The following DRG2 variants were observed in gnomAD, a reference collection of about 807,000 sequenced individuals.
The protein encoded by DRG2 is developmentally regulated GTP binding protein 2, also known as developmentally-regulated GTP-binding protein 2.
A neutral mutation model predicts 53.4 loss-of-function variants in DRG2; 36 were observed. The observed-to-expected ratio is 0.67, with a 90% confidence interval of 0.52 to 0.89. The LOEUF (loss-of-function observed/expected upper bound fraction) is 0.89, where lower values mean the gene tolerates loss of function less well. Ranked by LOEUF, DRG2 falls within the 40% of genes least tolerant of loss-of-function variation. The pLI is 0.00. For missense variants in DRG2, 342 were observed against 481.2 expected (o/e 0.71, Z 2.71); for synonymous variants, 167 against 192.1 (o/e 0.87, Z 1.08).
chr17:18,100,698 C>T lies in DRG2; in HGVS notation c.631+39C>T, dbSNP rs1287436283. On this transcript the variant is annotated intron_variant, in intron 7 of 12. Coordinates refer to ENST00000225729, the MANE Select transcript of DRG2 (RefSeq NM_001388.5). The surrounding 1 kb of genome is among the most constrained non-coding windows in gnomAD (Gnocchi z 4.1). Reference sequence around the variant, plus strand: ...AAAGACACGTGAAGGAGGGCAGCCACCACCGTCAGCGCAGCGGGGGGACTG... The same window carrying T: ...AAAGACACGTGAAGGAGGGCAGCCATCACCGTCAGCGCAGCGGGGGGACTG... The T allele has an allele frequency of 1.3e-6, 2 of 1,578,432 alleles. No homozygotes were observed. The highest frequency in any genetic ancestry group is 4.6e-5 in the East Asian group (2 of 43,070).
In DRG2 at chr17:18,101,430, C is replaced by A. The variant is rs970801823; in HGVS notation, c.632-63C>A. On this transcript the variant is annotated intron_variant, in intron 7 of 12. Transcript: ENST00000225729. ...ATATTTCCTGCTTGGCTTTTTGGGG[C>A]CCTCCGCTGATGGGGGACAGGGGCA... 8 of 1,518,086 alleles carry A rather than the reference C, an allele frequency of 5.3e-6. No individual in the cohort carries two copies. In the African/African-American group the frequency reaches 8.2e-5, roughly 16 times the overall value. 94.0% of individuals were successfully genotyped at this position (1,518,086 alleles called of 1,614,324 possible). A position where few individuals can be genotyped will look rare whatever the true frequency, so the allele number is the denominator to read the frequency against.
At position 18,103,863 on chromosome 17, in the gene DRG2, C is replaced by G; in HGVS notation, c.869C>G (p.Thr290Ser). The change falls in exon 10 of 13, where the codon ACC (threonine) becomes AGC (serine). Residue 290 changes from threonine (T) to serine (S), a missense_variant. Coordinates refer to ENST00000225729, the MANE Select transcript of DRG2 (RefSeq NM_001388.5). The surrounding 1 kb of genome is among the most constrained non-coding windows in gnomAD (Gnocchi z 4.4). ...ATGCTTTGGGAGTACTTGGCCCTGA[C>G]CTGCATCTACACCAAGAAGAGAGGA... ...LEMLWEYLAL[T>S]CIYTKKRGQR... 2 of 1,614,138 alleles carry G rather than the reference C, an allele frequency of 1.2e-6. No homozygotes were observed. Among genetic ancestry groups the G allele is most frequent in the Non-Finnish European group, 1.7e-6 (2 of 1,180,020 alleles).
intron 2 of DRG2, among the ~76,000 whole-genome samples, chr17:18,095,217 C>T (rs922421178): frequency 1.3e-4 from 19 of 151,060 alleles, no homozygotes; most frequent in African/African-American, 4.6e-4. Context: ...TCACCACGTT[C>T]GCCAGGCTGG....
intron 1 of DRG2, among the ~76,000 whole-genome samples, chr17:18,088,496 C>T (rs1037948803): frequency 2.0e-5 from 3 of 152,222 alleles, no homozygotes; most frequent in African/African-American, 4.8e-5. Flanking sequence ...AGCTGAGAGC[C>T]CATTGGAGCA....
chr17:18,090,379 TA>T (rs2045297933), intron 1 of DRG2, among the ~76,000 whole-genome samples: 4 of 10,608 alleles, frequency 3.8e-4, no homozygotes, highest in South Asian at 6.9e-3. Context: ...TATATATATA[TA>T]TATATATATA....
intron 1 of DRG2, among the ~76,000 whole-genome samples, chr17:18,089,447 C>G (rs1238088330): frequency 6.6e-6 from 1 of 152,154 alleles, no homozygotes; most frequent in African/African-American, 2.4e-5. Flanking sequence ...GCCGATCTTT[C>G]CTGAGCCTTT....
rs765083311 is a variant in DRG2 at position 18,104,663 on chromosome 17, G to A, written c.936G>A (p.Gly312=). ...DFTDAIILRK[G]ASVEHVCHRI... ...CAGACGCCATCATTCTCCGGAAAGG[G>A]GCCTCAGTGGAGCACGTGGTGAGTT... Residue 312 remains glycine, a synonymous_variant, in exon 11 of 13, where the codon GGG becomes GGA. Transcript: ENST00000225729. 1 of 1,613,772 alleles carries A rather than the reference G, an allele frequency of 6.2e-7. No homozygotes were observed. The highest frequency in any genetic ancestry group is 8.5e-7 in the Non-Finnish European group (1 of 1,180,032).
At chr17:18,097,315 T>C (rs1184645852) in intron 2 of DRG2, 2 of 152,268 alleles carry the variant, frequency 1.3e-5, no homozygotes, top group Non-Finnish European at 2.9e-5. Context: ...TGCCACATTC[T>C]GGACTTGAGA....
At position 18,103,998 on chromosome 17, in the gene DRG2, G is replaced by A. The variant is rs1042540596; in HGVS notation, c.895+109G>A. 1.3e-5 allele frequency: 14 copies of A among 1,037,676 alleles called. No individual in the cohort carries two copies. Among genetic ancestry groups the A allele is most frequent in the African/African-American group, 1.1e-4 (7 of 63,750 alleles). The allele number at this position is 1,037,676 out of a possible 1,614,324, so 64.3% of individuals were successfully genotyped here. A position where few individuals can be genotyped will look rare whatever the true frequency, so the allele number is the denominator to read the frequency against. On this transcript the variant is annotated intron_variant, in intron 10 of 12. Transcript: ENST00000225729. This position sits in a 1 kb window ranked among gnomAD's most constrained non-coding sequence, Gnocchi z 4.4. ...CCCAGCACCGGCTCTGGCCTGGCTT[G>A]TCTAGACACACCTCAGCTCTTTTCC...
At chr17:18,106,517 G>T (rs1429807685) in intron 12 of DRG2, 31 bp downstream of exon 12, 3 of 1,613,166 alleles carry the variant, frequency 1.9e-6, no homozygotes, top group African/African-American at 2.7e-5. Flanking sequence ...CAACCAGGGG[G>T]GTAGACCCAG....
chr17:18,099,822 C>G lies in DRG2; in HGVS notation c.467+99C>G, dbSNP rs2045498069. On this transcript the variant is annotated intron_variant, in intron 5 of 12. Coordinates refer to ENST00000225729, the MANE Select transcript of DRG2 (RefSeq NM_001388.5). This position sits in a 1 kb window ranked among gnomAD's most constrained non-coding sequence, Gnocchi z 4.4. ...GGCCTGTGGGTGTTTGGCTCTCTCACACGTGAGAGTAGTGGTAGGACTTGT... is the reference window on the plus strand; with the variant it reads ...GGCCTGTGGGTGTTTGGCTCTCTCAGACGTGAGAGTAGTGGTAGGACTTGT... 1.7e-6 allele frequency: 2 copies of G among 1,206,274 alleles called. No individual in the cohort carries two copies. The highest frequency in any genetic ancestry group is 2.4e-6 in the Non-Finnish European group (2 of 843,800). 74.7% of individuals were successfully genotyped at this position (1,206,274 alleles called of 1,614,324 possible).
rs1243177481 is a variant in DRG2, at chr17:18,098,374, TG to T, written c.315+18del. The T allele has an allele frequency of 3.1e-6, 5 of 1,612,300 alleles. No individual in the cohort carries two copies. The South Asian group carries it at 5.5e-5, about 18-fold the overall frequency. On this transcript the variant is annotated intron_variant, in intron 3 of 12. Transcript: ENST00000225729. The surrounding 1 kb of genome is among the most constrained non-coding windows in gnomAD (Gnocchi z 4.1). ...GGGTCATTGAAGTAAGTGGGTGTGC[TG>T]GGCCCAGAAGGAGAAGGGGCGCATG... is the stretch of plus-strand genomic sequence containing the variant.
At chr17:18,090,371 TATATATA>T (rs2045296472) in intron 1 of DRG2, among the ~76,000 whole-genome samples, 2 of 8,034 alleles carry the variant, frequency 2.5e-4, no homozygotes, top group African/African-American at 1.3e-3. Flanking sequence ...GGCTAATTTA[TATATATA>T]TATATATATA....
rs975477438 is a variant in DRG2, at chr17:18,099,942, G to A, written c.467+219G>A. The stretch of plus-strand genomic sequence containing the variant: ...AGGTATCTTGGGACTGGGGGCCGAG[G>A]GGCTTGGCCTGGCCCTGCTTCCTGT... On this transcript the variant is annotated intron_variant, in intron 5 of 12. Coordinates refer to ENST00000225729, the MANE Select transcript of DRG2 (RefSeq NM_001388.5). This position sits in a 1 kb window ranked among gnomAD's most constrained non-coding sequence, Gnocchi z 4.4. The A allele has an allele frequency of 2.6e-5, 16 of 609,346 alleles. No homozygotes were observed. The highest frequency in any genetic ancestry group is 1.2e-4 in the Admixed American group (4 of 33,728). The allele number at this position is 609,346 out of a possible 1,614,324, so 37.7% of individuals were successfully genotyped here.
In DRG2 at chr17:18,099,733, G is replaced by A. The variant is rs2142196145; in HGVS notation, c.467+10G>A. 1.3e-6 allele frequency: 2 copies of A among 1,595,156 alleles called. No homozygotes were observed. Among genetic ancestry groups the A allele is most frequent in the Non-Finnish European group, 1.7e-6 (2 of 1,171,952 alleles). On this transcript the variant is annotated intron_variant, in intron 5 of 12. Coordinates refer to ENST00000225729, the MANE Select transcript of DRG2 (RefSeq NM_001388.5). This position sits in a 1 kb window ranked among gnomAD's most constrained non-coding sequence, Gnocchi z 4.4. ...AGGGAGAGGTGCAGAGGTCCGCAGGGTGGGGCATGGGGCAGGCTCACATGT... is the reference window on the plus strand; with the variant it reads ...AGGGAGAGGTGCAGAGGTCCGCAGGATGGGGCATGGGGCAGGCTCACATGT...
At chr17:18,102,133 C>A in intron 9 of DRG2, 136 bp downstream of exon 9, 2 of 877,216 alleles carry the variant, frequency 2.3e-6, no homozygotes, top group Non-Finnish European at 1.8e-6. Context: ...CGTCACGGAG[C>A]CCAGGACTTC....
chr17:18,094,188 T>G, intron 2 of DRG2: 3 of 568,716 alleles, frequency 5.3e-6, no homozygotes, highest in Non-Finnish European at 9.1e-6. Flanking sequence ...GTCTTCCGAC[T>G]CAGTCATCAC....
chr17:18,104,599 C>T (rs369592124), intron 10 of DRG2, 24 bp from the exon 11 acceptor site: 15 of 1,613,590 alleles, frequency 9.3e-6, no homozygotes, highest in African/African-American at 4.0e-5. Context: ...GTGTGGCTGA[C>T]GTTCTCCCCA....
intron 1 of DRG2, among the ~76,000 whole-genome samples, chr17:18,089,896 G>T (rs1464238954): frequency 6.6e-6 from 1 of 152,148 alleles, no homozygotes; most frequent in Non-Finnish European, 1.5e-5. Flanking sequence ...TAGGTCATGG[G>T]AAAGACTCTG....
Sources: gnomAD v4.1 joint callset for allele counts (sites outside exome capture counted in the v4.1 genomes callset) on GRCh38, gnomAD v4.1.1 for gene constraint, Gnocchi (gnomAD v3.1) non-coding constraint, MANE v1.5 for transcripts, NCBI Gene and HGNC (gene_info 2026-07-23, HGNC 2026-07-21) for gene names.